DEPDC1B: variants seen among roughly 807,000 people sequenced by gnomAD.
DEPDC1B encodes DEP domain-containing protein 1B.
DEPDC1B carries 51 observed loss-of-function variants against 66.5 expected under a neutral mutation model. The observed-to-expected ratio is 0.77, with a 90% confidence interval of 0.61 to 0.97. DEPDC1B has a LOEUF of 0.97. DEPDC1B is among the 50% of genes least tolerant of loss of function. The pLI is 0.00. For missense variants in DEPDC1B, 552 were observed against 637.1 expected (o/e 0.87, Z 1.44); for synonymous variants, 226 against 223.6 (o/e 1.01, Z -0.10).
chr5:60,618,315 CA>C (rs1359481219), intron 7 of DEPDC1B, among the ~76,000 whole-genome samples: 4 of 151,912 alleles, frequency 2.6e-5, no homozygotes, highest in South Asian at 2.1e-4. Context: ...AATAGAGACA[CA>C]AAAAACCCTT....
chr5:60,612,382 C>T lies in DEPDC1B; in HGVS notation c.899-6526G>A, dbSNP rs149696945. 7.2e-3 allele frequency among the ~76,000 whole-genome samples: 1,080 copies of T among 150,226 alleles called. 11 individuals are homozygous for T. The highest frequency in any genetic ancestry group is 0.021 in the African/African-American group (856 of 40,776). The stretch of plus-strand genomic sequence containing the variant: ...AGGTTGCAATGAGCCAAGATTGTGC[C>T]GCTGCACTCCAGCCTGGGCAACAGC... On this transcript the variant is annotated intron_variant, in intron 7 of 10. Coordinates refer to ENST00000265036, the MANE Select transcript of DEPDC1B (RefSeq NM_018369.3).
intron 2 of DEPDC1B, among the ~76,000 whole-genome samples, chr5:60,682,869 G>T (rs1045860454): frequency 2.3e-4 from 35 of 151,930 alleles, no homozygotes; most frequent in African/African-American, 7.0e-4. Flanking sequence ...CTTTGAAGAG[G>T]AATTAATATC....
intron 7 of DEPDC1B, among the ~76,000 whole-genome samples, chr5:60,627,509 T>G (rs1040188032): frequency 3.3e-5 from 5 of 152,086 alleles, no homozygotes; most frequent in African/African-American, 1.2e-4. Context: ...TTGCTAAACA[T>G]AAGCTAGAAT....
intron 2 of DEPDC1B, among the ~76,000 whole-genome samples, chr5:60,678,861 A>T (rs1241038511): frequency 6.6e-6 from 1 of 152,170 alleles, no homozygotes; most frequent in Non-Finnish European, 1.5e-5. Flanking sequence ...TCATCCTCTC[A>T]TCCAATGTCT....
At chr5:60,661,040 C>T (rs1561380477) in intron 2 of DEPDC1B, among the ~76,000 whole-genome samples, 1 of 151,824 alleles carries the variant, frequency 6.6e-6, no homozygotes, top group South Asian at 2.1e-4. Flanking sequence ...GGAATAAAAA[C>T]AAAAAAAACT....
intron 1 of DEPDC1B, among the ~76,000 whole-genome samples, chr5:60,688,796 T>C (rs1344954712): frequency 1.3e-5 from 2 of 152,108 alleles, no homozygotes; most frequent in African/African-American, 4.8e-5. Context: ...ATCTCAGATT[T>C]TGGGAGTCAA....
chr5:60,609,730 A>T (rs1383435362), intron 7 of DEPDC1B, among the ~76,000 whole-genome samples: 1 of 152,216 alleles, frequency 6.6e-6, no homozygotes, highest in Non-Finnish European at 1.5e-5. Context: ...TAATTTAGCT[A>T]TCTTTTATAG....
chr5:60,629,062 G>T lies in DEPDC1B; in HGVS notation c.898+9688C>A, dbSNP rs115085541. Among the ~76,000 whole-genome samples, 1,310 of 152,252 alleles carry T rather than the reference G, an allele frequency of 8.6e-3. 16 individuals carry two copies. The highest frequency in any genetic ancestry group is 0.03 in the African/African-American group (1,241 of 41,524). Reference sequence around the variant, plus strand: ...GATGACTTGGGGCCGGCCCTGTCCTGGGGTAAAAACAGCTCCGGTACCTGG... The same window carrying T: ...GATGACTTGGGGCCGGCCCTGTCCTTGGGTAAAAACAGCTCCGGTACCTGG... On this transcript the variant is annotated intron_variant, in intron 7 of 10. Coordinates refer to ENST00000265036, the MANE Select transcript of DEPDC1B (RefSeq NM_018369.3).
Position 60,700,051 on chromosome 5 carries a change from T to G in DEPDC1B, c.43A>C (p.Arg15=), listed in dbSNP as rs1381427538. The G allele has an allele frequency of 6.4e-7, 1 of 1,558,306 alleles. No homozygotes were observed. The highest frequency in any genetic ancestry group is 8.7e-7 in the Non-Finnish European group (1 of 1,152,866). ...GCCCCAGCACACTCACTCACCAGCC[T>G]GGTAGCTCGGTACGGCCCGGGCCCC... is the stretch of plus-strand genomic sequence containing the variant. The part of the protein sequence containing the change: ...IVGPGPYRAT[R]LWNETVELFR... The change falls in exon 1 of 11, where the codon AGG becomes CGG. Residue 15 remains arginine (R), a synonymous_variant. Coordinates refer to ENST00000265036, the MANE Select transcript of DEPDC1B (RefSeq NM_018369.3).
At chr5:60,615,875 A>C (rs1752540392) in intron 7 of DEPDC1B, among the ~76,000 whole-genome samples, 1 of 152,234 alleles carries the variant, frequency 6.6e-6, no homozygotes, top group African/African-American at 2.4e-5. Context: ...CGAGTAGCTT[A>C]ACTGGGAGGC....
intron 1 of DEPDC1B, among the ~76,000 whole-genome samples, chr5:60,690,771 C>T (rs1472151706): frequency 6.6e-6 from 1 of 151,456 alleles, no homozygotes; most frequent in Non-Finnish European, 1.5e-5. Context: ...TTTGTTTTTG[C>T]CCAACCTTGG....
At chr5:60,642,095 G>A (rs1345968979) in intron 6 of DEPDC1B, among the ~76,000 whole-genome samples, 2 of 152,046 alleles carry the variant, frequency 1.3e-5, no homozygotes, top group South Asian at 2.1e-4. Flanking sequence ...ACTAATTCAC[G>A]AATTTAAAGG....
chr5:60,599,267 C>G lies in DEPDC1B; in HGVS notation c.1243-7G>C. ...CAGCTCCTGGGTATTTTATCTGAGG[C>G]AAAAGGATTAGTAGTGAAAGAATAT... On this transcript the variant is annotated splice_polypyrimidine_tract_variant and splice_region_variant and intron_variant, in intron 9 of 10. Coordinates refer to ENST00000265036, the MANE Select transcript of DEPDC1B (RefSeq NM_018369.3). The G allele has an allele frequency of 6.3e-7, 1 of 1,583,028 alleles. No homozygotes were observed. Among genetic ancestry groups the G allele is most frequent in the East Asian group, 2.3e-5 (1 of 44,360 alleles).
At chr5:60,623,745 C>T (rs1204771907) in intron 7 of DEPDC1B, among the ~76,000 whole-genome samples, 1 of 152,030 alleles carries the variant, frequency 6.6e-6, no homozygotes, top group Non-Finnish European at 1.5e-5. Flanking sequence ...CTTGTTTATC[C>T]CTACTTATAA....
At chr5:60,676,643 T>A (rs1393358171) in intron 2 of DEPDC1B, among the ~76,000 whole-genome samples, 23 of 152,164 alleles carry the variant, frequency 1.5e-4, no homozygotes, top group Admixed American at 1.5e-3. Flanking sequence ...ACAGCCTTGA[T>A]CTTGCCATCT....
At chr5:60,656,084 T>C (rs1009817499) in intron 2 of DEPDC1B, among the ~76,000 whole-genome samples, 1 of 152,122 alleles carries the variant, frequency 6.6e-6, no homozygotes, top group Admixed American at 6.6e-5. Context: ...ATAGAATGTA[T>C]ATTCTGCACT....
At chr5:60,669,283 T>G (rs1000568270) in intron 2 of DEPDC1B, among the ~76,000 whole-genome samples, 6 of 152,150 alleles carry the variant, frequency 3.9e-5, no homozygotes, top group African/African-American at 1.4e-4. Context: ...TCTCAATGAT[T>G]TAAAGCCCTT....
chr5:60,625,098 G>A (rs1207653392), intron 7 of DEPDC1B, among the ~76,000 whole-genome samples: 1 of 152,108 alleles, frequency 6.6e-6, no homozygotes, highest in Non-Finnish European at 1.5e-5. Flanking sequence ...TAGCTGCATA[G>A]TATTCCCTGG....
At chr5:60,645,453 A>G (rs778991680) in intron 4 of DEPDC1B, 39 bp downstream of exon 4, 11 of 1,530,114 alleles carry the variant, frequency 7.2e-6, no homozygotes, top group African/African-American at 4.2e-5. Context: ...ATAGGAAACA[A>G]TATCTCTAAA....
Sources: allele counts gnomAD v4.1 joint callset (sites outside exome capture counted in the v4.1 genomes callset), GRCh38; gene constraint gnomAD v4.1.1; transcripts MANE v1.5; gene names NCBI Gene and HGNC (gene_info 2026-07-23, HGNC 2026-07-21).